The following CLBA1 variants were observed in gnomAD, a reference collection of about 807,000 sequenced individuals.
The protein encoded by CLBA1 is uncharacterized protein CLBA1.
A neutral mutation model predicts 28.8 loss-of-function variants in CLBA1; 30 were observed. The ratio of observed to expected loss-of-function variants is 1.04; its 90% CI spans 0.78 to 1.41. CLBA1 has a LOEUF of 1.41. Among genes scored for constraint, CLBA1 ranks in the 40% most tolerant of loss-of-function variants. CLBA1 has a pLI of 0.00. For synonymous variants in CLBA1, 160 were observed against 152.8 expected (o/e 1.05, Z -0.35); for missense variants, 451 against 412.3 (o/e 1.09, Z -0.81).
intron 3 of CLBA1, among the ~76,000 whole-genome samples, chr14:104,992,143 GCA>G (rs1457601717): frequency 3.7e-5 from 5 of 134,152 alleles, no homozygotes; most frequent in African/African-American, 1.2e-4. Flanking sequence ...ACGCCGCCAT[GCA>G]CACGCCTCAC....
Position 104,986,538 on chromosome 14 carries a change from T to C in CLBA1, c.107T>C (p.Leu36Ser). 6.2e-7 allele frequency: 1 copy of C among 1,613,892 alleles called. No individual in the cohort carries two copies. Among genetic ancestry groups the C allele is most frequent in the African/African-American group, 1.3e-5 (1 of 75,032 alleles). Reference protein sequence around the residue: ...VAPERLSDDSLEWRRTCPDLL... With the variant: ...VAPERLSDDSSEWRRTCPDLL... Reference sequence around the variant, plus strand: ...CCTGAGAGGCTGAGTGATGACAGTTTGGAATGGAGACGGACCTGCCCCGAC... The same window carrying C: ...CCTGAGAGGCTGAGTGATGACAGTTCGGAATGGAGACGGACCTGCCCCGAC... Residue 36 changes from leucine to serine, a missense_variant, in exon 1 of 5, where the codon TTG becomes TCG. Physicochemically the swap from Leu to Ser is moderately radical, Grantham distance 145 (BLOSUM62 -2). Transcript: ENST00000547315.
At chr14:104,998,429 GAATT>G (rs1314300523), downstream of CLBA1, among the ~76,000 whole-genome samples, 13 of 142,284 alleles carry the variant, frequency 9.1e-5, no homozygotes, top group South Asian at 1.6e-3. Flanking sequence ...AAAAAAAAAA[GAATT>G]AAGTAGTAAA....
chr14:105,000,965 T>C (rs952216198), intron 2 of CLBA1, among the ~76,000 whole-genome samples: 3 of 150,616 alleles, frequency 2.0e-5, no homozygotes, highest in Admixed American at 1.3e-4. Context: ...ATTGCAGCAC[T>C]AGTCACCATA....
In CLBA1 at chr14:104,991,430, C is replaced by T. The variant is rs1900015773; in HGVS notation, c.570-61C>T. 4 of 1,603,584 alleles carry T rather than the reference C, an allele frequency of 2.5e-6. No individual in the cohort carries two copies. In the East Asian group the frequency reaches 9.0e-5, roughly 36 times the overall value. ...GCCCCGCTGCGTGCCTCGGGCCGTG[C>T]CTCATGATCTCCTCAGAAGGCTCTC... On this transcript the variant is annotated intron_variant, in intron 2 of 4. Coordinates refer to ENST00000547315, the MANE Select transcript of CLBA1 (RefSeq NM_174891.4).
Position 104,994,785 on chromosome 14 carries a change from G to T in CLBA1, c.*26G>T. 1.3e-6 allele frequency: 2 copies of T among 1,575,608 alleles called. No homozygotes were observed. Among genetic ancestry groups the T allele is most frequent in the South Asian group, 1.2e-5 (1 of 86,610 alleles). The stretch of plus-strand genomic sequence containing the variant: ...AATCAGGAGGACTTTGTACCTTTAT[G>T]AGGAATTTTTCATTTTCTTCCTGGC... On this transcript the variant is annotated 3_prime_UTR_variant, in exon 5 of 5. Coordinates refer to ENST00000547315, the MANE Select transcript of CLBA1 (RefSeq NM_174891.4).
intron 4 of CLBA1, 167 bp from the exon 5 acceptor site, chr14:104,994,431 C>G (rs1198058817): frequency 2.0e-6 from 2 of 985,372 alleles, no homozygotes; most frequent in Non-Finnish European, 2.4e-6. Flanking sequence ...CATGTTTTCC[C>G]TGGGCGCCTC....
rs1158684369 is a variant in CLBA1, at chr14:104,986,679, G to T, written c.248G>T (p.Gly83Val). ...AGCAGCACTTGGGGGGAGTTTGAAG[G>T]CTTTCGGGAATCTTCAGCCAAGTCT... ...EHSSTWGEFE[G>V]FRESSAKSGQ... Residue 83 changes from glycine to valine, a missense_variant, in exon 1 of 5, where the codon GGC becomes GTC. Transcript: ENST00000547315. The T allele has an allele frequency of 6.2e-7, 1 of 1,614,020 alleles. No individual in the cohort carries two copies. The highest frequency in any genetic ancestry group is 1.1e-5 in the South Asian group (1 of 91,072).
intron 2 of CLBA1, chr14:104,989,753 G>C (rs999396389): frequency 2.2e-6 from 1 of 450,642 alleles, no homozygotes; most frequent in Non-Finnish European, 4.5e-6. Flanking sequence ...GTGAAGGTTG[G>C]GGTGAGCTAG....
At position 104,988,934 on chromosome 14, in the gene CLBA1, T is replaced by C. The variant is rs1232184928; in HGVS notation, c.424-9T>C. On this transcript the variant is annotated splice_polypyrimidine_tract_variant and intron_variant, in intron 1 of 4. Coordinates refer to ENST00000547315, the MANE Select transcript of CLBA1 (RefSeq NM_174891.4). ...TAACTTTGGTATGCTTTTCTTCTTT[T>C]CTTTTCAGCCCATTCTCAGCTATGA... is the stretch of plus-strand genomic sequence containing the variant. 1.3e-6 allele frequency: 2 copies of C among 1,595,192 alleles called. No homozygotes were observed. The highest frequency in any genetic ancestry group is 3.6e-5 in the Admixed American group (2 of 56,214).
chr14:104,997,582 T>C (rs1900177621), downstream of CLBA1, among the ~76,000 whole-genome samples: 1 of 152,210 alleles, frequency 6.6e-6, no homozygotes, highest in South Asian at 2.1e-4. Context: ...GCAGCTAGGA[T>C]GGAAACAGGA....
chr14:104,998,016 T>G (rs1229371886), downstream of CLBA1, among the ~76,000 whole-genome samples: 8 of 145,192 alleles, frequency 5.5e-5, no homozygotes, highest in East Asian at 1.5e-3. Flanking sequence ...CTCAAAAAAA[T>G]AAAGAAAGAA....
Position 104,994,862 on chromosome 14 carries a change from G to A in CLBA1, c.*103G>A, listed in dbSNP as rs931773853. 23 of 1,486,830 alleles carry A rather than the reference G, an allele frequency of 1.5e-5. No individual in the cohort carries two copies. Among genetic ancestry groups the A allele is most frequent in the Admixed American group, 2.3e-5 (1 of 43,354 alleles). The allele number at this position is 1,486,830 out of a possible 1,614,324, so 92.1% of individuals were successfully genotyped here. On this transcript the variant is annotated 3_prime_UTR_variant, in exon 5 of 5. Coordinates refer to ENST00000547315, the MANE Select transcript of CLBA1 (RefSeq NM_174891.4). Reference sequence around the variant, plus strand: ...CTGTGGAGCTGTTTTCCAGACCCCAGGCCCATTCCTGGGATCTCTCCAACA... The same window carrying A: ...CTGTGGAGCTGTTTTCCAGACCCCAAGCCCATTCCTGGGATCTCTCCAACA...
intron 4 of CLBA1, chr14:104,994,224 G>GT: frequency 2.0e-6 from 2 of 985,486 alleles, no homozygotes; most frequent in Non-Finnish European, 2.4e-6. Flanking sequence ...AGCCGCAGCT[G>GT]TTTGGGGGAA....
intron 3 of CLBA1, among the ~76,000 whole-genome samples, chr14:104,992,320 C>T (rs1900057761): frequency 6.6e-6 from 1 of 152,246 alleles, no homozygotes; most frequent in African/African-American, 2.4e-5. Context: ...CCTGGGCTGT[C>T]GCAGAAAACG....
intron 4 of CLBA1, 131 bp from the exon 5 acceptor site, chr14:104,994,467 G>A (rs936853467): frequency 3.3e-5 from 47 of 1,423,826 alleles, no homozygotes; most frequent in Non-Finnish European, 3.9e-5. Flanking sequence ...TGATGAGAAG[G>A]TTTCTAAGAG....
At chr14:104,992,577 C>G (rs762191009) in intron 3 of CLBA1, among the ~76,000 whole-genome samples, 4 of 152,212 alleles carry the variant, frequency 2.6e-5, no homozygotes, top group African/African-American at 4.8e-5. Context: ...TTCGCCCTGA[C>G]TGTGTCATTG....
Position 104,989,005 on chromosome 14 carries a change from A to C in CLBA1, c.486A>C (p.Ala162=). ...TTCAAGAAATAACAGTCCAGCAGGCAGCTGAAGACGTTTCCACCATAGACC... is the reference window on the plus strand; with the variant it reads ...TTCAAGAAATAACAGTCCAGCAGGCCGCTGAAGACGTTTCCACCATAGACC... ...CAFQEITVQQ[A]AEDVSTIDHF... is the part of the protein sequence containing the mutation. The change falls in exon 2 of 5, where the codon GCA becomes GCC. Residue 162 remains alanine (A), a synonymous_variant. Transcript: ENST00000547315. The C allele has an allele frequency of 6.2e-7, 1 of 1,613,202 alleles. No individual in the cohort carries two copies. Among genetic ancestry groups the C allele is most frequent in the Non-Finnish European group, 8.5e-7 (1 of 1,179,206 alleles).
chr14:104,992,025 T>TGCACACGCCGCCAC (rs1184415765), intron 3 of CLBA1, among the ~76,000 whole-genome samples: 5 of 99,114 alleles, frequency 5.0e-5, no homozygotes, highest in Non-Finnish European at 7.9e-5. Flanking sequence ...CATGCCGCCA[T>TGCACACGCCGCCAC]GCACACGCCG....
intron 2 of CLBA1, chr14:104,990,023 C>T: frequency 4.3e-6 from 1 of 231,858 alleles, no homozygotes; most frequent in Non-Finnish European, 9.2e-6. Context: ...GCCCAGATGG[C>T]CCGTGTGCCC....
Sources: gnomAD v4.1 joint callset for allele counts (sites outside exome capture counted in the v4.1 genomes callset) on GRCh38, gnomAD v4.1.1 for gene constraint, MANE v1.5 for transcripts, NCBI Gene and HGNC (gene_info 2026-07-23, HGNC 2026-07-21) for gene names.